The following TLX1 variants were observed in gnomAD, a reference collection of about 807,000 sequenced individuals.
TLX1 encodes the protein T-cell leukemia homeobox protein 1.
TLX1 carries 6 observed loss-of-function variants against 26.5 expected under a neutral mutation model. The ratio of observed to expected loss-of-function variants is 0.23; its 90% CI spans 0.12 to 0.45. TLX1 has a LOEUF of 0.45. Among genes scored for constraint, TLX1 ranks in the 20% least tolerant of loss-of-function variants. The pLI, the probability that TLX1 is intolerant of heterozygous loss-of-function variation, is 0.99. For missense variants in TLX1, 418 were observed against 482.6 expected, an observed-to-expected ratio of 0.87 and a Z score of 1.25; for synonymous variants, 217 against 219.7, an observed-to-expected ratio of 0.99 and a Z score of 0.11.
rs1485560255 is a variant in TLX1, at chr10:101,137,345, T to A, written c.*432T>A. 1 of 285,150 alleles carries A rather than the reference T, an allele frequency of 3.5e-6. No individual in the cohort carries two copies. Among genetic ancestry groups the A allele is most frequent in the Non-Finnish European group, 6.7e-6 (1 of 149,768 alleles). 17.7% of individuals were successfully genotyped at this position (285,150 alleles called of 1,614,324 possible). A position where few individuals can be genotyped will look rare whatever the true frequency, so the allele number is the denominator to read the frequency against. ...AACCCATAGGCCCACACACAGGTGG[T>A]GTCACTGTCCCTCCTGGTGTCACCC... On this transcript the variant is annotated 3_prime_UTR_variant, in exon 3 of 3. Transcript: ENST00000370196.
At position 101,137,065 on chromosome 10, in the gene TLX1, C is replaced by T. The variant is rs1325891532; in HGVS notation, c.*152C>T. On this transcript the variant is annotated 3_prime_UTR_variant, in exon 3 of 3. Transcript: ENST00000370196. ...CCCCGAAGGGCCCCCACATTTGTGC[C>T]GACACTGTTCTCCCTTCGGTGGAAG... The T allele has an allele frequency of 6.0e-6, 6 of 1,001,868 alleles. No homozygotes were observed. Among genetic ancestry groups the T allele is most frequent in the East Asian group, 2.6e-5 (1 of 38,082 alleles). 62.1% of individuals were successfully genotyped at this position (1,001,868 alleles called of 1,614,324 possible). A position where few individuals can be genotyped will look rare whatever the true frequency, so the allele number is the denominator to read the frequency against.
chr10:101,135,661 T>C (rs1203719752), intron 2 of TLX1: 1 of 151,860 alleles, frequency 6.6e-6, no homozygotes, highest in Non-Finnish European at 1.5e-5. Flanking sequence ...TGGAGAGGGA[T>C]AGGGACCCCG....
At position 101,132,219 on chromosome 10, in the gene TLX1, C is replaced by T. The variant is rs569960553; in HGVS notation, c.568+110C>T. Reference sequence around the variant, plus strand: ...GTTCTGCGCTCCAGGTCGCCCAGCTCTTCTTGGTGCTTCCCCCAAGTTGAG... The same window carrying T: ...GTTCTGCGCTCCAGGTCGCCCAGCTTTTCTTGGTGCTTCCCCCAAGTTGAG... On this transcript the variant is annotated intron_variant, in intron 1 of 2. Transcript: ENST00000370196. The surrounding 1 kb of genome is among the most constrained non-coding windows in gnomAD (Gnocchi z 4.1). 2.3e-5 allele frequency: 23 copies of T among 979,648 alleles called. No homozygotes were observed. The African/African-American group carries it at 3.4e-4, about 14-fold the overall frequency. The allele number at this position is 979,648 out of a possible 1,614,324, so 60.7% of individuals were successfully genotyped here. A position where few individuals can be genotyped will look rare whatever the true frequency, so the allele number is the denominator to read the frequency against.
Position 101,136,737 on chromosome 10 carries a change from C to T in TLX1, c.817C>T (p.Arg273Cys). ...GGAGGCCGAGAGGCAGCAAGCGAAC[C>T]GCATCCTCCTGCAGTTGCAGCAGGA... ...EREAERQQANRILLQLQQEAF... is the reference protein window; with the variant it reads ...EREAERQQANCILLQLQQEAF... The change falls in exon 3 of 3, where the codon CGC becomes TGC. Residue 273 changes from arginine to cysteine, a missense_variant. Around this residue, in one of 3 missense-constraint regions of TLX1, gnomAD observed 78 missense variants for 92.2 expected, o/e 0.85. Transcript: ENST00000370196. 5 of 1,613,158 alleles carry T rather than the reference C, an allele frequency of 3.1e-6. No homozygotes were observed. The highest frequency in any genetic ancestry group is 4.2e-6 in the Non-Finnish European group (5 of 1,179,994).
chr10:101,134,625 G>T (rs1305490602), intron 2 of TLX1, among the ~76,000 whole-genome samples: 2 of 152,256 alleles, frequency 1.3e-5, no homozygotes, highest in Non-Finnish European at 2.9e-5. Flanking sequence ...CTCTCTGCCG[G>T]TGTAGACGCG....
intron 2 of TLX1, chr10:101,135,304 G>A (rs1430456683): frequency 6.5e-6 from 1 of 153,706 alleles, no homozygotes; most frequent in African/African-American, 2.4e-5. Context: ...AGACGGGCGG[G>A]CCTTGGGGCA....
Position 101,131,573 on chromosome 10 carries a change from C to G in TLX1, c.32C>G (p.Pro11Arg), listed in dbSNP as rs752281847. ...CACCTGGGTCCGCACCACCTCCACC[C>G]GGGTCACGCAGAGCCCATTAGCTTC... The part of the protein sequence containing the change: MEHLGPHHLH[P>R]GHAEPISFGI... The change falls in exon 1 of 3, where the codon CCG becomes CGG. Residue 11 changes from proline to arginine, a missense_variant. Pro to Arg is a moderately radical substitution (Grantham distance 103). Around this residue, in one of 3 missense-constraint regions of TLX1, gnomAD observed 322 missense variants for 344.6 expected, o/e 0.93. Transcript: ENST00000370196. The G allele has an allele frequency of 6.5e-6, 10 of 1,544,178 alleles. No individual in the cohort carries two copies. The highest frequency in any genetic ancestry group is 8.7e-6 in the Non-Finnish European group (10 of 1,150,318).
At chr10:101,136,657 G>A (rs772134625) in intron 2 of TLX1, 34 bp from the exon 3 acceptor site, 1 of 1,612,636 alleles carries the variant, frequency 6.2e-7, no homozygotes, top group African/African-American at 1.3e-5. Context: ...CTGGGTCGGT[G>A]CTCCTGGCAG....
chr10:101,133,291 A>T (rs1940219445), intron 1 of TLX1, among the ~76,000 whole-genome samples: 1 of 152,234 alleles, frequency 6.6e-6, no homozygotes, highest in Non-Finnish European at 1.5e-5. Context: ...ACAGCCAGGG[A>T]AACTGCTTCT....
Position 101,137,690 on chromosome 10 carries a change from T to C in TLX1, c.*777T>C. On this transcript the variant is annotated 3_prime_UTR_variant, in exon 3 of 3. Coordinates refer to ENST00000370196, the MANE Select transcript of TLX1 (RefSeq NM_005521.4). ...AGAACCCATTTGAGGGGTGGGGGGG[T>C]GTTAATTTATGCACTTATAAGGTGT... is the stretch of plus-strand genomic sequence containing the variant. 1 of 231,994 alleles carries C rather than the reference T, an allele frequency of 4.3e-6. No homozygotes were observed. Among genetic ancestry groups the C allele is most frequent in the Non-Finnish European group, 8.5e-6 (1 of 117,394 alleles). The allele number at this position is 231,994 out of a possible 1,614,324, so 14.4% of individuals were successfully genotyped here.
chr10:101,136,359 C>G, intron 2 of TLX1, among the ~76,000 whole-genome samples: 1 of 152,140 alleles, frequency 6.6e-6, no homozygotes, highest in East Asian at 1.9e-4. Flanking sequence ...GAGGGGGAGG[C>G]GAGATGCCAT....
chr10:101,136,517 T>G, intron 2 of TLX1, 174 bp from the exon 3 acceptor site: 1 of 1,020,174 alleles, frequency 9.8e-7, no homozygotes, highest in Admixed American at 2.1e-5. Flanking sequence ...CAGTCTTTGT[T>G]GGAGTCAGGA....
In TLX1 at chr10:101,134,237, C is replaced by CT; in HGVS notation, c.632dup (p.Gln212AlafsTer83). The CT allele has an allele frequency of 6.2e-7, 1 of 1,611,556 alleles. No individual in the cohort carries two copies. The highest frequency in any genetic ancestry group is 8.5e-7 in the Non-Finnish European group (1 of 1,179,090). On this transcript the variant is annotated frameshift_variant, in exon 2 of 3. Coordinates refer to ENST00000370196, the MANE Select transcript of TLX1 (RefSeq NM_005521.4). LOFTEE classifies it high-confidence loss of function. ...GAAGCCGCGCACGTCCTTCACACGC[C>CT]TGCAGATCTGCGAGCTGGAGAAGCG...
At position 101,137,420 on chromosome 10, in the gene TLX1, C is replaced by T. The variant is rs1372588216; in HGVS notation, c.*507C>T. 7.7e-6 allele frequency: 2 copies of T among 259,594 alleles called. No individual in the cohort carries two copies. The highest frequency in any genetic ancestry group is 5.4e-5 in the East Asian group (1 of 18,452). 16.1% of individuals were successfully genotyped at this position (259,594 alleles called of 1,614,324 possible). On this transcript the variant is annotated 3_prime_UTR_variant, in exon 3 of 3. Coordinates refer to ENST00000370196, the MANE Select transcript of TLX1 (RefSeq NM_005521.4). ...GGAGAGTGTCAACCAGACAGAGGGT[C>T]ACAGTGTTTACACTTTGGACCTTAC...
intron 2 of TLX1, chr10:101,135,239 T>C (rs1227053803): frequency 6.6e-6 from 1 of 152,338 alleles, no homozygotes; most frequent in Non-Finnish European, 1.5e-5. Flanking sequence ...GTTTCTCCCC[T>C]AGCTCAGGCC....
rs1360257281 is a variant in TLX1 at position 101,131,725 on chromosome 10, T to A, written c.184T>A (p.Ser62Thr). The A allele has an allele frequency of 6.2e-6, 9 of 1,452,032 alleles. No homozygotes were observed. The highest frequency in any genetic ancestry group is 6.0e-5 in the African/African-American group (4 of 66,952). The allele number at this position is 1,452,032 out of a possible 1,614,324, so 89.9% of individuals were successfully genotyped here. ...GGAYTYGGGG[S>T]AAATGAGGAG... ...CGCCTACACTTACGGCGGCGGGGGC[T>A]CCGCGGCCGCGACGGGGGCTGGAGG... is the stretch of plus-strand genomic sequence containing the variant. The change falls in exon 1 of 3, where the codon TCC (serine) becomes ACC (threonine). Residue 62 changes from serine (S) to threonine (T), a missense_variant. By Grantham distance (58) the Ser-to-Thr change is moderately conservative. Coordinates refer to ENST00000370196, the MANE Select transcript of TLX1 (RefSeq NM_005521.4).
rs949470236 is a variant in TLX1 at position 101,137,341 on chromosome 10, G to A, written c.*428G>A. The A allele has an allele frequency of 7.0e-6, 2 of 287,116 alleles. No homozygotes were observed. Among genetic ancestry groups the A allele is most frequent in the Non-Finnish European group, 6.6e-6 (1 of 150,886 alleles). The allele number at this position is 287,116 out of a possible 1,614,324, so 17.8% of individuals were successfully genotyped here. A position where few individuals can be genotyped will look rare whatever the true frequency, so the allele number is the denominator to read the frequency against. Reference sequence around the variant, plus strand: ...TGGAAACCCATAGGCCCACACACAGGTGGTGTCACTGTCCCTCCTGGTGTC... The same window carrying A: ...TGGAAACCCATAGGCCCACACACAGATGGTGTCACTGTCCCTCCTGGTGTC... On this transcript the variant is annotated 3_prime_UTR_variant, in exon 3 of 3. Coordinates refer to ENST00000370196, the MANE Select transcript of TLX1 (RefSeq NM_005521.4).
In TLX1 at chr10:101,137,578, A is replaced by G; in HGVS notation, c.*665A>G. ...AACAGCCAACAGCTACAACAGCCTC[A>G]CTTGGTCTGCCAGGCCCCCACCACA... On this transcript the variant is annotated 3_prime_UTR_variant, in exon 3 of 3. Transcript: ENST00000370196. 1 of 234,332 alleles carries G rather than the reference A, an allele frequency of 4.3e-6. No individual in the cohort carries two copies. The highest frequency in any genetic ancestry group is 8.4e-6 in the Non-Finnish European group (1 of 118,706). The allele number at this position is 234,332 out of a possible 1,614,324, so 14.5% of individuals were successfully genotyped here.
intron 2 of TLX1, 88 bp downstream of exon 2, chr10:101,134,464 T>G: frequency 7.4e-7 from 1 of 1,344,176 alleles, no homozygotes; most frequent in Non-Finnish European, 9.8e-7. Flanking sequence ...GCGCACATAC[T>G]TTTTCCGCTC....
Sources: gnomAD v4.1 joint callset for allele counts (sites outside exome capture counted in the v4.1 genomes callset) on GRCh38, gnomAD v4.1.1 for gene constraint, gnomAD v4.1.1 regional missense constraint, Gnocchi (gnomAD v3.1) non-coding constraint, MANE v1.5 for transcripts, NCBI Gene and HGNC (gene_info 2026-07-23, HGNC 2026-07-21) for gene names.